Variants in LRRC4C observed in about 807,000 individuals in gnomAD.
The protein encoded by LRRC4C is leucine rich repeat containing 4C.
Under a neutral mutation model 33.6 loss-of-function variants are expected in LRRC4C, and 5 were observed. The ratio of observed to expected loss-of-function variants is 0.15; its 90% CI spans 0.08 to 0.31. The LOEUF (loss-of-function observed/expected upper bound fraction) is 0.31, where lower values mean the gene tolerates loss of function less well. Ranked by LOEUF, LRRC4C falls within the 10% of genes least tolerant of loss-of-function variation. The probability of loss-of-function intolerance (pLI) is 1.00; values close to 1 mark genes in which losing one functional copy is unlikely to be tolerated. For synonymous variants in LRRC4C, 329 were observed against 302.0 expected (o/e 1.09, Z -0.93); for missense variants, 560 against 796.7 (o/e 0.70, Z 3.58).
chr11:40,691,013 A>G (rs914914871), intron 2 of LRRC4C, among the ~76,000 whole-genome samples: 2 of 152,090 alleles, frequency 1.3e-5, no homozygotes, highest in African/African-American at 4.8e-5. Context: ...AGTTCACAAC[A>G]TCTACCTACA....
intron 2 of LRRC4C, among the ~76,000 whole-genome samples, chr11:40,904,672 C>G (rs1413712528): frequency 2.0e-5 from 3 of 152,102 alleles, no homozygotes; most frequent in Admixed American, 2.0e-4. Flanking sequence ...CCTCAAAAGG[C>G]AGGTCACTGG....
chr11:40,645,122 C>A (rs1942369148), intron 3 of LRRC4C, among the ~76,000 whole-genome samples: 1 of 152,012 alleles, frequency 6.6e-6, no homozygotes. Context: ...AGCCCTGATA[C>A]CTAAGTGGCC....
chr11:41,015,067 C>T (rs758312797), intron 1 of LRRC4C, among the ~76,000 whole-genome samples: 18 of 152,036 alleles, frequency 1.2e-4, no homozygotes, highest in African/African-American at 3.1e-4. Flanking sequence ...TAGACTGGGA[C>T]GATAATCTAG....
chr11:40,459,871 C>G (rs1260185973), intron 3 of LRRC4C, among the ~76,000 whole-genome samples: 1 of 152,166 alleles, frequency 6.6e-6, no homozygotes, highest in Non-Finnish European at 1.5e-5. Flanking sequence ...TCAAGTTTTG[C>G]TAGGTGAACT....
chr11:40,993,685 T>C (rs1020805699), intron 1 of LRRC4C, among the ~76,000 whole-genome samples: 1 of 152,094 alleles, frequency 6.6e-6, no homozygotes, highest in African/African-American at 2.4e-5. Context: ...CTAATATTTC[T>C]ATTGCGAATA....
intron 3 of LRRC4C, among the ~76,000 whole-genome samples, chr11:40,617,102 C>A (rs1412765836): frequency 6.6e-6 from 1 of 151,696 alleles, no homozygotes; most frequent in African/African-American, 2.4e-5. Flanking sequence ...CATCTGAGTG[C>A]TCTATTATGT....
At chr11:40,205,523 A>C (rs937665162) in intron 5 of LRRC4C, among the ~76,000 whole-genome samples, 11 of 152,116 alleles carry the variant, frequency 7.2e-5, no homozygotes, top group African/African-American at 2.7e-4. Context: ...TGAAAACTCG[A>C]TGATGTTCAT....
chr11:40,507,995 G>T (rs1955121811), intron 3 of LRRC4C, among the ~76,000 whole-genome samples: 2 of 152,100 alleles, frequency 1.3e-5, no homozygotes, highest in African/African-American at 4.8e-5. Flanking sequence ...GGCCTGAAGT[G>T]ATCCGCCCAC....
chr11:41,301,692 A>G (rs1310554076), intron 1 of LRRC4C, among the ~76,000 whole-genome samples: 1 of 152,120 alleles, frequency 6.6e-6, no homozygotes, highest in African/African-American at 2.4e-5. Context: ...TCTTTTTATG[A>G]CTTTCATGAC....
chr11:40,813,884 G>T (rs998133234), intron 2 of LRRC4C, among the ~76,000 whole-genome samples: 5 of 152,134 alleles, frequency 3.3e-5, no homozygotes, highest in Non-Finnish European at 5.9e-5. Context: ...AAAATAATCT[G>T]CTTTGACTCC....
intron 1 of LRRC4C, among the ~76,000 whole-genome samples, chr11:41,306,237 T>TACAACG (rs1555142933): frequency 3.9e-5 from 6 of 152,214 alleles, no homozygotes; most frequent in Admixed American, 3.9e-4. Context: ...TTTTATAACA[T>TACAACG]ACAACGATTC....
At position 40,261,261 on chromosome 11, in the gene LRRC4C, T is replaced by A. The variant is rs564177395; in HGVS notation, c.-175-19663A>T. ...ACTCACCTGCTGAAAACAAAAGTCG[T>A]TGATTTGAAAAAGAAAGAAATAAAT... is the stretch of plus-strand genomic sequence containing the variant. On this transcript the variant is annotated intron_variant, in intron 4 of 6. Coordinates refer to ENST00000528697, the MANE Select transcript of LRRC4C (RefSeq NM_001258419.2). Among the ~76,000 whole-genome samples, 208 of 152,270 alleles carry A rather than the reference T, an allele frequency of 1.4e-3. 2 individuals carry two copies. The highest frequency in any genetic ancestry group is 4.8e-3 in the African/African-American group (199 of 41,570).
In LRRC4C at chr11:40,734,992, T is replaced by C. The variant is rs1010807848; in HGVS notation, c.-406-86714A>G. On this transcript the variant is annotated intron_variant, in intron 2 of 6. Coordinates refer to ENST00000528697, the MANE Select transcript of LRRC4C (RefSeq NM_001258419.2). ...GAGAGAAAAAAATAATCTCTCTCTC[T>C]CTTCTGCAGCTGGGAGGCTCTCCTC... Among the ~76,000 whole-genome samples the C allele has an allele frequency of 8.6e-5, 13 of 152,046 alleles. 1 individual carries two copies. Among genetic ancestry groups the C allele is most frequent in the Non-Finnish European group, 1.8e-4 (12 of 68,022 alleles).
intron 1 of LRRC4C, among the ~76,000 whole-genome samples, chr11:40,971,779 A>C (rs1051236803): frequency 6.6e-6 from 1 of 152,196 alleles, no homozygotes; most frequent in South Asian, 2.1e-4. Context: ...AAAGCTACAG[A>C]GGCAGGGCTA....
At chr11:41,140,801 C>T (rs1294760864) in intron 1 of LRRC4C, among the ~76,000 whole-genome samples, 3 of 131,166 alleles carry the variant, frequency 2.3e-5, no homozygotes, top group East Asian at 2.1e-4. Context: ...TACTTTCATA[C>T]CCTAGAAATA....
chr11:40,976,807 C>T (rs1852117898), intron 1 of LRRC4C, among the ~76,000 whole-genome samples: 1 of 152,126 alleles, frequency 6.6e-6, no homozygotes, highest in African/African-American at 2.4e-5. Flanking sequence ...TTGTCCCCAA[C>T]ATTTTTGCAC....
At chr11:40,310,893 T>C (rs892673684) in intron 4 of LRRC4C, among the ~76,000 whole-genome samples, 6 of 152,198 alleles carry the variant, frequency 3.9e-5, no homozygotes, top group Admixed American at 3.9e-4. Context: ...TTGTTTTGTT[T>C]AGGGTCCATT....
chr11:41,032,354 C>A (rs1181383618), intron 1 of LRRC4C, among the ~76,000 whole-genome samples: 1 of 152,018 alleles, frequency 6.6e-6, no homozygotes, highest in African/African-American at 2.4e-5. Flanking sequence ...TAACACTCAT[C>A]TAACTTTGTA....
At chr11:40,774,305 G>T (rs1221903673) in intron 2 of LRRC4C, among the ~76,000 whole-genome samples, 1 of 152,032 alleles carries the variant, frequency 6.6e-6, no homozygotes, top group Non-Finnish European at 1.5e-5. Context: ...GATGTTATTA[G>T]AACTATATCA....
Sources: allele counts gnomAD v4.1 joint callset (sites outside exome capture counted in the v4.1 genomes callset), GRCh38; gene constraint gnomAD v4.1.1; transcripts MANE v1.5; gene names NCBI Gene and HGNC (gene_info 2026-07-23, HGNC 2026-07-21).